The following ERI3 variants were observed in gnomAD, a reference collection of about 807,000 sequenced individuals.
ERI3 encodes ERI1 exoribonuclease 3.
In ERI3, 18 loss-of-function variants were observed where a neutral mutation model predicts 44.4. The observed-to-expected ratio is 0.41, with a 90% CI of 0.28 to 0.60. ERI3 has a LOEUF of 0.60. Ranked by LOEUF, ERI3 falls within the 20% of genes least tolerant of loss-of-function variation. The probability of loss-of-function intolerance (pLI) is 0.36; values close to 1 mark genes in which losing one functional copy is unlikely to be tolerated. For missense variants in ERI3, 294 were observed against 435.5 expected (o/e 0.68, Z 2.89); for synonymous variants, 183 against 164.8 (o/e 1.11, Z -0.84).
chr1:44,315,987 T>C (rs1339773750), intron 4 of ERI3, among the ~76,000 whole-genome samples: 1 of 151,600 alleles, frequency 6.6e-6, no homozygotes, highest in African/African-American at 2.4e-5. Flanking sequence ...CCCCATCTTT[T>C]TTTTTTTTTT....
chr1:44,267,772 C>T (rs1006265037), intron 7 of ERI3, among the ~76,000 whole-genome samples: 3 of 152,230 alleles, frequency 2.0e-5, no homozygotes, highest in Admixed American at 6.5e-5. Flanking sequence ...GCCATAAACA[C>T]GCTTGGGTTC....
chr1:44,232,319 G>C (rs985380458), intron 8 of ERI3, among the ~76,000 whole-genome samples: 1 of 151,974 alleles, frequency 6.6e-6, no homozygotes, highest in African/African-American at 2.4e-5. Context: ...TTTTTCTTTT[G>C]CTCTCTTGAA....
At chr1:44,348,578 C>G (rs1242467559) in intron 2 of ERI3, among the ~76,000 whole-genome samples, 1 of 152,210 alleles carries the variant, frequency 6.6e-6, no homozygotes, top group Non-Finnish European at 1.5e-5. Context: ...CAAGGAATGT[C>G]CCCAAAGAGG....
intron 4 of ERI3, among the ~76,000 whole-genome samples, chr1:44,318,752 G>A (rs1468959720): frequency 6.6e-6 from 1 of 152,218 alleles, no homozygotes; most frequent in Non-Finnish European, 1.5e-5. Context: ...TTCACATGTA[G>A]AAGATAGGTC....
intron 6 of ERI3, among the ~76,000 whole-genome samples, chr1:44,302,819 T>C (rs1219108472): frequency 6.6e-6 from 1 of 152,220 alleles, no homozygotes; most frequent in East Asian, 1.9e-4. Flanking sequence ...CAGACAGGAC[T>C]GTCGTTAAAC....
intron 8 of ERI3, 64 bp downstream of exon 8, chr1:44,247,875 G>T: frequency 3.8e-6 from 5 of 1,333,124 alleles, no homozygotes; most frequent in South Asian, 2.6e-5. Flanking sequence ...TGTGCCTGGG[G>T]ACTGGGGCAC....
chr1:44,310,568 C>T (rs12026967), intron 5 of ERI3, among the ~76,000 whole-genome samples: 24 of 151,936 alleles, frequency 1.6e-4, no homozygotes, highest in African/African-American at 5.3e-4. Context: ...TAGGCCAGAC[C>T]GTGAACGGCC....
At chr1:44,341,704 T>C (rs1347755290) in intron 2 of ERI3, among the ~76,000 whole-genome samples, 2 of 151,942 alleles carry the variant, frequency 1.3e-5, no homozygotes, top group Admixed American at 6.6e-5. Context: ...CTGGGAAACA[T>C]AGTGAGACCC....
At chr1:44,326,556 C>A (rs1646318074) in intron 3 of ERI3, among the ~76,000 whole-genome samples, 1 of 152,076 alleles carries the variant, frequency 6.6e-6, no homozygotes, top group Admixed American at 6.5e-5. Context: ...ATTCGAATTG[C>A]CAAATAATTA....
At chr1:44,231,557 TG>T (rs1413761702) in intron 8 of ERI3, among the ~76,000 whole-genome samples, 1 of 152,036 alleles carries the variant, frequency 6.6e-6, no homozygotes, top group Non-Finnish European at 1.5e-5. Flanking sequence ...TGTGTACATA[TG>T]GGGTCTTGCT....
At chr1:44,339,368 G>GAA (rs374764715) in intron 2 of ERI3, 46 bp from the exon 3 acceptor site, 492 of 851,142 alleles carry the variant, frequency 5.8e-4, no homozygotes, top group South Asian at 6.6e-4. Context: ...AGAAAAGAAA[G>GAA]AAAAAAAAAA....
chr1:44,316,290 A>G (rs1363625284), intron 4 of ERI3, among the ~76,000 whole-genome samples: 1 of 152,234 alleles, frequency 6.6e-6, no homozygotes, highest in East Asian at 1.9e-4. Context: ...GACCTTAGCC[A>G]CTTAAAGCAG....
At chr1:44,317,734 A>T (rs1410527673) in intron 4 of ERI3, among the ~76,000 whole-genome samples, 1 of 152,138 alleles carries the variant, frequency 6.6e-6, no homozygotes, top group Non-Finnish European at 1.5e-5. Context: ...CCCTAAGCAG[A>T]GTCCTGGAGG....
chr1:44,253,829 CA>C (rs1439380770), intron 7 of ERI3, among the ~76,000 whole-genome samples: 1 of 152,194 alleles, frequency 6.6e-6, no homozygotes, highest in Non-Finnish European at 1.5e-5. Context: ...AGCCAGCCCG[CA>C]ACTGCTCTGA....
intron 5 of ERI3, among the ~76,000 whole-genome samples, chr1:44,311,023 G>C (rs1645961761): frequency 7.1e-6 from 1 of 141,806 alleles, no homozygotes; most frequent in Non-Finnish European, 1.5e-5. Context: ...ACACGTGCAG[G>C]AATCCATGAA....
intron 5 of ERI3, among the ~76,000 whole-genome samples, chr1:44,310,727 G>A (rs1043484700): frequency 1.3e-5 from 2 of 152,098 alleles, no homozygotes; most frequent in African/African-American, 4.8e-5. Flanking sequence ...CTAAGGCCAA[G>A]GATCCTACCT....
At position 44,235,241 on chromosome 1, in the gene ERI3, CTCA is replaced by C. The variant is rs1238740847; in HGVS notation, c.931+12695_931+12697del. 6.6e-6 allele frequency among the ~76,000 whole-genome samples: 1 copy of C among 152,140 alleles called. No individual in the cohort carries two copies. The highest frequency in any genetic ancestry group is 1.5e-5 in the Non-Finnish European group (1 of 68,034). On this transcript the variant is annotated intron_variant, in intron 8 of 8. Coordinates refer to ENST00000372257, the MANE Select transcript of ERI3 (RefSeq NM_024066.3). This position sits in a 1 kb window ranked among gnomAD's most constrained non-coding sequence, Gnocchi z 4.6. ...TTCTGGACCTGTTTACATCTCTGGT[CTCA>C]TCAGTCCCACTCCCCTGTTGTACAG...
chr1:44,349,368 G>A (rs376594422), intron 2 of ERI3, among the ~76,000 whole-genome samples: 3 of 152,140 alleles, frequency 2.0e-5, no homozygotes, highest in African/African-American at 7.2e-5. Flanking sequence ...GGCCAGGCTG[G>A]TCTCAAACTC....
Position 44,297,123 on chromosome 1 carries a change from G to A in ERI3, c.758+11187C>T, listed in dbSNP as rs528396683. Among the ~76,000 whole-genome samples, 3 of 152,260 alleles carry A rather than the reference G, an allele frequency of 2.0e-5. No individual in the cohort carries two copies. The South Asian group carries it at 6.2e-4, about 32-fold the overall frequency. ...AGAAAAAGGCCTGTCAGGCTCCCGG[G>A]ATTCTCTGGGCTGGCTGGCTTTCTT... On this transcript the variant is annotated intron_variant, in intron 6 of 8. Coordinates refer to ENST00000372257, the MANE Select transcript of ERI3 (RefSeq NM_024066.3).
Sources: gnomAD v4.1 joint callset for allele counts (sites outside exome capture counted in the v4.1 genomes callset) on GRCh38, gnomAD v4.1.1 for gene constraint, Gnocchi (gnomAD v3.1) non-coding constraint, MANE v1.5 for transcripts, NCBI Gene and HGNC (gene_info 2026-07-23, HGNC 2026-07-21) for gene names.